PCDHGA11: variants seen among roughly 807,000 people sequenced by gnomAD.
PCDHGA11 encodes the protein protocadherin gamma subfamily A, 11.
In PCDHGA11, 39 loss-of-function variants were observed where a neutral mutation model predicts 60.4. The observed-to-expected ratio is 0.65, with a 90% confidence interval of 0.50 to 0.84. The LOEUF (loss-of-function observed/expected upper bound fraction) is 0.84, where lower values mean the gene tolerates loss of function less well. PCDHGA11 is among the 40% of genes least tolerant of loss of function. The pLI is 0.00. For missense variants in PCDHGA11, 1,165 were observed against 1,197.7 expected, an observed-to-expected ratio of 0.97 and a Z score of 0.40; for synonymous variants, 533 against 510.3, an observed-to-expected ratio of 1.04 and a Z score of -0.60.
chr5:141,427,654 T>C (rs2097054872), intron 1 of PCDHGA11: 3 of 727,622 alleles, frequency 4.1e-6, no homozygotes, highest in Non-Finnish European at 7.4e-6. Context: ...TCCTACGTGG[T>C]CCACGTGGCC....
intron 1 of PCDHGA11, among the ~76,000 whole-genome samples, chr5:141,484,184 AG>A (rs1328674334): frequency 6.6e-6 from 1 of 152,244 alleles, no homozygotes; most frequent in Non-Finnish European, 1.5e-5. Flanking sequence ...CAATCATTCA[AG>A]GAAGCTATTA....
intron 1 of PCDHGA11, among the ~76,000 whole-genome samples, chr5:141,426,133 G>A (rs2096916691): frequency 6.6e-6 from 1 of 152,212 alleles, no homozygotes. Context: ...GCCAAGACTT[G>A]GGCTTTCTGC....
At chr5:141,504,269 A>T (rs7715517) in intron 2 of PCDHGA11, among the ~76,000 whole-genome samples, 3,100 of 152,246 alleles carry the variant, frequency 0.02, 113 homozygotes, top group African/African-American at 0.07. Context: ...GTATTTTTTT[A>T]AATTATGAAT....
Position 141,489,381 on chromosome 5 carries a change from T to C in PCDHGA11, c.2434-5426T>C. 3 of 1,613,894 alleles carry C rather than the reference T, an allele frequency of 1.9e-6. No individual in the cohort carries two copies. The highest frequency in any genetic ancestry group is 2.5e-6 in the Non-Finnish European group (3 of 1,179,802). On this transcript the variant is annotated intron_variant, in intron 1 of 3. Coordinates refer to ENST00000398587, the MANE Select transcript of PCDHGA11 (RefSeq NM_018914.3). The surrounding 1 kb of genome is among the most constrained non-coding windows in gnomAD (Gnocchi z 4.5). ...CTGAGCCGGGGACGCTGGTGGGGAA[T>C]GTTGCTCAGGATCTGGGCTTAAAGA...
intron 1 of PCDHGA11, among the ~76,000 whole-genome samples, chr5:141,430,066 G>C (rs550834063): frequency 6.6e-6 from 1 of 151,984 alleles, no homozygotes; most frequent in Non-Finnish European, 1.5e-5. Flanking sequence ...TCATTTTTAG[G>C]TTTCCATAAT....
At chr5:141,434,462 C>T (rs2097695951) in intron 1 of PCDHGA11, among the ~76,000 whole-genome samples, 1 of 152,156 alleles carries the variant, frequency 6.6e-6, no homozygotes, top group Non-Finnish European at 1.5e-5. Flanking sequence ...GTGGGTTTAC[C>T]GGAATGAGGG....
At chr5:141,463,165 C>G (rs1042153238) in intron 1 of PCDHGA11, among the ~76,000 whole-genome samples, 1 of 152,148 alleles carries the variant, frequency 6.6e-6, no homozygotes, top group Non-Finnish European at 1.5e-5. Context: ...TCAGTGCACT[C>G]TATGTATGCT....
chr5:141,439,487 G>A lies in PCDHGA11; in HGVS notation c.2433+15827G>A, dbSNP rs11952418. 8.3e-3 allele frequency among the ~76,000 whole-genome samples: 1,269 copies of A among 152,266 alleles called. 16 individuals are homozygous for A. Among genetic ancestry groups the A allele is most frequent in the African/African-American group, 0.029 (1,205 of 41,540 alleles). Reference sequence around the variant, plus strand: ...GCTGCCTTTCAGCTTGCAAATTCCAGTGAGAAACGTCTTTCTCTCTGCTCT... The same window carrying A: ...GCTGCCTTTCAGCTTGCAAATTCCAATGAGAAACGTCTTTCTCTCTGCTCT... On this transcript the variant is annotated intron_variant, in intron 1 of 3. Coordinates refer to ENST00000398587, the MANE Select transcript of PCDHGA11 (RefSeq NM_018914.3).
Position 141,511,703 on chromosome 5 carries a change from T to G in PCDHGA11, c.*530T>G, listed in dbSNP as rs148447880. On this transcript the variant is annotated 3_prime_UTR_variant, in exon 4 of 4. Coordinates refer to ENST00000398587, the MANE Select transcript of PCDHGA11 (RefSeq NM_018914.3). ...AAAGCATGGTTTGGTGCCAGCCCCT[T>G]CACCTCCTTCCAGAGCCCAAGATCA... The G allele has an allele frequency of 1.1e-4, 21 of 189,942 alleles. No homozygotes were observed. In the East Asian group the frequency reaches 2.4e-3, roughly 22 times the overall value. 11.8% of individuals were successfully genotyped at this position (189,942 alleles called of 1,614,324 possible).
chr5:141,494,182 C>A (rs188628485), intron 1 of PCDHGA11, among the ~76,000 whole-genome samples: 1 of 152,126 alleles, frequency 6.6e-6, no homozygotes, highest in Non-Finnish European at 1.5e-5. Context: ...AGAAGTGTCC[C>A]GGGACTTGGA....
chr5:141,460,592 G>C (rs796171299), intron 1 of PCDHGA11, among the ~76,000 whole-genome samples: 12 of 151,976 alleles, frequency 7.9e-5, no homozygotes, highest in African/African-American at 2.9e-4. Flanking sequence ...GTTTTTTCTG[G>C]GCTCTCTGTG....
At position 141,491,942 on chromosome 5, in the gene PCDHGA11, C is replaced by T. The variant is rs932715298; in HGVS notation, c.2434-2865C>T. 6.4e-5 allele frequency: 72 copies of T among 1,122,376 alleles called. No individual in the cohort carries two copies. Among genetic ancestry groups the T allele is most frequent in the Admixed American group, 3.5e-5 (1 of 28,738 alleles). 69.5% of individuals were successfully genotyped at this position (1,122,376 alleles called of 1,614,324 possible). A position where few individuals can be genotyped will look rare whatever the true frequency, so the allele number is the denominator to read the frequency against. ...GGCGAGGGGAGGTGGGACCGACCCC[C>T]ACCCCTACACTCAAAAAAGGCCGGG... is the stretch of plus-strand genomic sequence containing the variant. On this transcript the variant is annotated intron_variant, in intron 1 of 3. Transcript: ENST00000398587. The surrounding 1 kb of genome is among the most constrained non-coding windows in gnomAD (Gnocchi z 6.9).
At chr5:141,483,186 A>G (rs2099578047) in intron 1 of PCDHGA11, among the ~76,000 whole-genome samples, 1 of 152,174 alleles carries the variant, frequency 6.6e-6, no homozygotes, top group Non-Finnish European at 1.5e-5. Flanking sequence ...CAAGCCAAGG[A>G]GTTTTTATTT....
At chr5:141,439,496 G>A (rs1166315364) in intron 1 of PCDHGA11, among the ~76,000 whole-genome samples, 2 of 152,152 alleles carry the variant, frequency 1.3e-5, no homozygotes, top group Non-Finnish European at 2.9e-5. Context: ...AGTGAGAAAC[G>A]TCTTTCTCTC....
chr5:141,474,687 A>G (rs369586568), intron 1 of PCDHGA11, among the ~76,000 whole-genome samples: 35 of 152,302 alleles, frequency 2.3e-4, no homozygotes, highest in African/African-American at 7.7e-4. Flanking sequence ...CTACCCCTTC[A>G]CTTATGTTCA....
At position 141,486,837 on chromosome 5, in the gene PCDHGA11, T is replaced by G; in HGVS notation, c.2434-7970T>G. The G allele has an allele frequency of 6.2e-7, 1 of 1,614,256 alleles. No individual in the cohort carries two copies. The highest frequency in any genetic ancestry group is 8.5e-7 in the Non-Finnish European group (1 of 1,180,044). ...AGCACTGTAACAGTTCGTCTATTTG[T>G]GCTGGACCTCAATGACAATGCTCCA... On this transcript the variant is annotated intron_variant, in intron 1 of 3. Transcript: ENST00000398587. The surrounding 1 kb of genome is among the most constrained non-coding windows in gnomAD (Gnocchi z 5.0).
intron 1 of PCDHGA11, among the ~76,000 whole-genome samples, chr5:141,430,040 T>C (rs1449876504): frequency 1.3e-5 from 2 of 152,232 alleles, no homozygotes; most frequent in African/African-American, 2.4e-5. Flanking sequence ...ATTCTGATAA[T>C]GTATACAATC....
Position 141,477,902 on chromosome 5 carries a change from T to A in PCDHGA11, c.2434-16905T>A. ...CCACCTAGTGTCACGGGTGGTAGGC[T>A]GGGACGCGGATGCAGGGCACAATGC... On this transcript the variant is annotated intron_variant, in intron 1 of 3. Transcript: ENST00000398587. The surrounding 1 kb of genome is among the most constrained non-coding windows in gnomAD (Gnocchi z 4.9). The A allele has an allele frequency of 6.2e-7, 1 of 1,614,176 alleles. No homozygotes were observed. Among genetic ancestry groups the A allele is most frequent in the Non-Finnish European group, 8.5e-7 (1 of 1,180,028 alleles).
chr5:141,501,290 TACACACACAC>T (rs55762287), intron 2 of PCDHGA11, among the ~76,000 whole-genome samples: 44 of 136,248 alleles, frequency 3.2e-4, no homozygotes, highest in Admixed American at 7.8e-4. Context: ...TATTCCCTTA[TACACACACAC>T]ACACACACAC....
Sources: gnomAD v4.1 joint callset for allele counts (sites outside exome capture counted in the v4.1 genomes callset) on GRCh38, gnomAD v4.1.1 for gene constraint, Gnocchi (gnomAD v3.1) non-coding constraint, MANE v1.5 for transcripts, NCBI Gene and HGNC (gene_info 2026-07-23, HGNC 2026-07-21) for gene names.